The following FYB1 variants were observed in gnomAD, a reference collection of about 807,000 sequenced individuals.
FYB1 encodes the protein FYN-binding protein 1.
In FYB1, 41 loss-of-function variants were observed where a neutral mutation model predicts 94.1. That is an observed-to-expected ratio of 0.44 (90% CI 0.34 to 0.57). The LOEUF is 0.57. Among genes scored for constraint, FYB1 ranks in the 20% least tolerant of loss-of-function variants. The probability of loss-of-function intolerance (pLI) is 0.02; values close to 1 mark genes in which losing one functional copy is unlikely to be tolerated. For missense variants in FYB1, 1,050 were observed against 976.8 expected (o/e 1.07, Z -1.00); for synonymous variants, 367 against 353.2 (o/e 1.04, Z -0.44).
chr5:39,205,971 T>C (rs1379013003), intron 1 of FYB1, among the ~76,000 whole-genome samples: 1 of 152,268 alleles, frequency 6.6e-6, no homozygotes, highest in Non-Finnish European at 1.5e-5. Context: ...AATAATTATC[T>C]GCCATCTCTG....
At chr5:39,132,162 G>A (rs923883087) in intron 9 of FYB1, among the ~76,000 whole-genome samples, 3 of 152,186 alleles carry the variant, frequency 2.0e-5, no homozygotes, top group African/African-American at 7.2e-5. Flanking sequence ...CCCGGAGTTT[G>A]AAGCACTCAC....
chr5:39,137,800 C>T, intron 6 of FYB1, 80 bp from the exon 7 acceptor site: 6 of 1,529,026 alleles, frequency 3.9e-6, no homozygotes, highest in African/African-American at 1.4e-5. Flanking sequence ...AGTTTCTACT[C>T]ACAACAGAAA....
chr5:39,207,394 C>T (rs1464688772), intron 1 of FYB1, among the ~76,000 whole-genome samples: 1 of 152,176 alleles, frequency 6.6e-6, no homozygotes, highest in African/African-American at 2.4e-5. Flanking sequence ...GTGGTATAAA[C>T]TTTTACATTT....
At chr5:39,225,820 T>C (rs1167429841) in intron 1 of FYB1, among the ~76,000 whole-genome samples, 1 of 152,186 alleles carries the variant, frequency 6.6e-6, no homozygotes, top group Non-Finnish European at 1.5e-5. Flanking sequence ...AGAAAATCAT[T>C]GCACTAGAAG....
chr5:39,153,149 G>T lies in FYB1; in HGVS notation c.1292+299C>A, dbSNP rs6861690. The stretch of plus-strand genomic sequence containing the variant: ...GATGTTGATAGTGGAGGAGTTGGTG[G>T]TTCTCAAGAAAGCTTCAGAACTTTT... On this transcript the variant is annotated intron_variant, in intron 3 of 18. Coordinates refer to ENST00000512982, the MANE Select transcript of FYB1 (RefSeq NM_001465.6). 0.1 allele frequency among the ~76,000 whole-genome samples: 15,325 copies of T among 152,168 alleles called. 1,539 individuals carry two copies. Among genetic ancestry groups the T allele is most frequent in the East Asian group, 0.53 (2,755 of 5,168 alleles).
chr5:39,203,972 C>A (rs937574873), intron 1 of FYB1, among the ~76,000 whole-genome samples: 62 of 152,140 alleles, frequency 4.1e-4, no homozygotes, highest in African/African-American at 1.5e-3. Context: ...AGAAATATTT[C>A]AAAATTGGAG....
chr5:39,196,240 G>A (rs111567254), intron 2 of FYB1, among the ~76,000 whole-genome samples: 214 of 134,774 alleles, frequency 1.6e-3, no homozygotes, highest in African/African-American at 3.7e-3. Flanking sequence ...GATAGGGTTC[G>A]CTTTGTCACC....
chr5:39,201,681 A>T, intron 2 of FYB1, 145 bp downstream of exon 2: 5 of 768,508 alleles, frequency 6.5e-6, no homozygotes, highest in Non-Finnish European at 9.9e-6. Context: ...CATGAAAGAA[A>T]AAAACAAGAC....
In FYB1 at chr5:39,247,625, T is replaced by G. The variant is rs549088608; in HGVS notation, c.-28+26778A>C. ...CAACTTCTAGAAAATATTATTTATA[T>G]TGGATATTTTTTACCCCATACATAT... On this transcript the variant is annotated intron_variant, in intron 1 of 1. Transcript: ENST00000510188. Among the ~76,000 whole-genome samples the G allele has an allele frequency of 3.3e-5, 5 of 152,280 alleles. No individual in the cohort carries two copies. In the East Asian group the frequency reaches 9.6e-4, roughly 29 times the overall value.
intron 1 of FYB1, among the ~76,000 whole-genome samples, chr5:39,229,122 G>A (rs920621545): frequency 2.0e-5 from 3 of 152,086 alleles, no homozygotes; most frequent in African/African-American, 7.2e-5. Flanking sequence ...GAATGGGACT[G>A]GGGCTATCAA....
chr5:39,144,915 T>C (rs1742512045), intron 3 of FYB1, among the ~76,000 whole-genome samples: 1 of 152,190 alleles, frequency 6.6e-6, no homozygotes, highest in Non-Finnish European at 1.5e-5. Flanking sequence ...TAAGAGATAA[T>C]TGGAAATTTG....
At chr5:39,248,786 G>A (rs536403734) in intron 1 of FYB1, among the ~76,000 whole-genome samples, 3 of 152,192 alleles carry the variant, frequency 2.0e-5, no homozygotes, top group Non-Finnish European at 2.9e-5. Context: ...GCAGCGAGCC[G>A]AGATCATGCC....
intron 2 of FYB1, among the ~76,000 whole-genome samples, chr5:39,194,490 T>C (rs1486953672): frequency 6.6e-6 from 1 of 150,890 alleles, no homozygotes; most frequent in Non-Finnish European, 1.5e-5. Flanking sequence ...GCCACTGCAG[T>C]CCAGCCTGAG....
At chr5:39,167,750 A>G (rs1038438507) in intron 2 of FYB1, among the ~76,000 whole-genome samples, 2 of 152,234 alleles carry the variant, frequency 1.3e-5, no homozygotes, top group East Asian at 1.9e-4. Flanking sequence ...AAAGATTTGC[A>G]TATTTTATTT....
intron 1 of FYB1, among the ~76,000 whole-genome samples, chr5:39,212,231 C>T (rs1047190839): frequency 6.6e-6 from 1 of 151,938 alleles, no homozygotes; most frequent in Non-Finnish European, 1.5e-5. Flanking sequence ...TTGCTTGAGC[C>T]CGGGAGGTCA....
chr5:39,110,276 T>TTA, intron 17 of FYB1, 80 bp downstream of exon 17: 1 of 784,360 alleles, frequency 1.3e-6, no homozygotes, highest in Non-Finnish European at 2.0e-6. Flanking sequence ...TTACATTATT[T>TTA]AAGTAATATT....
chr5:39,146,327 T>C (rs1273590397), intron 3 of FYB1, among the ~76,000 whole-genome samples: 1 of 152,230 alleles, frequency 6.6e-6, no homozygotes. Context: ...TCATCCATTA[T>C]AGTGATTATT....
intron 1 of FYB1, among the ~76,000 whole-genome samples, chr5:39,263,478 G>T (rs1242814431): frequency 6.6e-6 from 1 of 152,034 alleles, no homozygotes; most frequent in Non-Finnish European, 1.5e-5. Flanking sequence ...CAACAGGGAA[G>T]TGTGTGGAGT....
At chr5:39,119,321 T>C (rs539916458) in intron 15 of FYB1, among the ~76,000 whole-genome samples, 8 of 152,114 alleles carry the variant, frequency 5.3e-5, no homozygotes, top group South Asian at 2.1e-4. Context: ...GCTTGCTTAA[T>C]CTTTTATAAA....
Sources: gnomAD v4.1 joint callset for allele counts (sites outside exome capture counted in the v4.1 genomes callset) on GRCh38, gnomAD v4.1.1 for gene constraint, MANE v1.5 for transcripts, NCBI Gene and HGNC (gene_info 2026-07-23, HGNC 2026-07-21) for gene names.